Variants in FHIT observed in about 807,000 individuals in gnomAD.
FHIT encodes bis(5'-adenosyl)-triphosphatase.
FHIT carries 19 observed loss-of-function variants against 17.9 expected under a neutral mutation model. The ratio of observed to expected loss-of-function variants is 1.06; its 90% confidence interval spans 0.74 to 1.56. The LOEUF (loss-of-function observed/expected upper bound fraction) is 1.56. FHIT is among the 40% of genes most tolerant of loss of function. FHIT has a pLI of 0.00. For synonymous variants in FHIT, 81 were observed against 69.7 expected, an observed-to-expected ratio of 1.16 and a Z score of -0.81; for missense variants, 248 against 189.2, an observed-to-expected ratio of 1.31 and a Z score of -1.82.
At chr3:60,977,249 T>A (rs1307262194) in intron 3 of FHIT, among the ~76,000 whole-genome samples, 1 of 152,176 alleles carries the variant, frequency 6.6e-6, no homozygotes, top group African/African-American at 2.4e-5. Context: ...TTCTCAGAGC[T>A]GAGAGTGAAC....
At chr3:60,329,073 T>C (rs900844433) in intron 5 of FHIT, among the ~76,000 whole-genome samples, 7 of 152,240 alleles carry the variant, frequency 4.6e-5, no homozygotes, top group South Asian at 2.1e-4. Context: ...GAATTTCATA[T>C]GGATTTAATT....
intron 4 of FHIT, among the ~76,000 whole-genome samples, chr3:60,712,934 A>G (rs1188355159): frequency 1.0e-4 from 15 of 149,734 alleles, no homozygotes; most frequent in African/African-American, 3.7e-4. Flanking sequence ...GACCTAATAG[A>G]CATCTACAGA....
intron 5 of FHIT, among the ~76,000 whole-genome samples, chr3:60,362,032 G>A (rs1049311627): frequency 2.0e-5 from 3 of 151,728 alleles, no homozygotes; most frequent in African/African-American, 4.9e-5. Flanking sequence ...CTTCTGCCAT[G>A]GGTGTCACCA....
At position 61,010,513 on chromosome 3, in the gene FHIT, A is replaced by C. The variant is rs183232108; in HGVS notation, c.-111+31534T>G. On this transcript the variant is annotated intron_variant, in intron 3 of 9. Transcript: ENST00000492590. ...TTTAGAAAGGTTAAGTAACATGCAC[A>C]GCCACACAGCATCTGGGTTTATCTG... Among the ~76,000 whole-genome samples the C allele has an allele frequency of 5.3e-5, 8 of 152,340 alleles. 1 individual carries two copies. In the South Asian group the frequency reaches 6.2e-4, roughly 12 times the overall value.
chr3:60,161,587 T>A (rs1029433264), intron 5 of FHIT, among the ~76,000 whole-genome samples: 2 of 150,732 alleles, frequency 1.3e-5, no homozygotes, highest in Non-Finnish European at 3.0e-5. Context: ...AACAAAGGAG[T>A]GTGCTTAGGG....
At chr3:60,268,874 G>A (rs1706720226) in intron 5 of FHIT, among the ~76,000 whole-genome samples, 1 of 152,104 alleles carries the variant, frequency 6.6e-6, no homozygotes, top group African/African-American at 2.4e-5. Context: ...ATAATCACAA[G>A]GGTCCTTAAA....
chr3:60,093,319 G>A (rs1221478764), intron 5 of FHIT, among the ~76,000 whole-genome samples: 1 of 152,102 alleles, frequency 6.6e-6, no homozygotes, highest in East Asian at 1.9e-4. Flanking sequence ...TTTAAAGTCA[G>A]CAATAATGGG....
At chr3:59,816,797 G>A (rs887993948) in intron 8 of FHIT, among the ~76,000 whole-genome samples, 6 of 151,992 alleles carry the variant, frequency 3.9e-5, no homozygotes, top group South Asian at 2.1e-4. Context: ...TCACATTTAC[G>A]TCCCCTTCAG....
At chr3:60,863,895 C>G (rs1427533336) in intron 3 of FHIT, among the ~76,000 whole-genome samples, 1 of 152,126 alleles carries the variant, frequency 6.6e-6, no homozygotes, top group Admixed American at 6.6e-5. Context: ...CCCTTCACAA[C>G]AAGCCTATGA....
intron 5 of FHIT, among the ~76,000 whole-genome samples, chr3:60,406,961 A>AT (rs1173431135): frequency 1.3e-5 from 2 of 151,720 alleles, no homozygotes; most frequent in East Asian, 3.9e-4. Flanking sequence ...GTTCAGTAGC[A>AT]CTTGCTATGC....
chr3:59,778,570 A>C (rs1234330013), intron 8 of FHIT, among the ~76,000 whole-genome samples: 1 of 152,192 alleles, frequency 6.6e-6, no homozygotes, highest in African/African-American at 2.4e-5. Context: ...CTGCCACTGT[A>C]GTGAAAAAGG....
At chr3:60,084,470 G>C (rs910591631) in intron 5 of FHIT, among the ~76,000 whole-genome samples, 1 of 152,088 alleles carries the variant, frequency 6.6e-6, no homozygotes, top group African/African-American at 2.4e-5. Context: ...AGGAATTCAT[G>C]AAGTTTAGGA....
intron 8 of FHIT, among the ~76,000 whole-genome samples, chr3:59,853,115 G>A (rs548014020): frequency 6.6e-6 from 1 of 152,290 alleles, no homozygotes; most frequent in East Asian, 1.9e-4. Flanking sequence ...TTCCAAAGAG[G>A]CTGTAATATG....
intron 4 of FHIT, among the ~76,000 whole-genome samples, chr3:60,788,162 C>T (rs1028544055): frequency 3.3e-5 from 5 of 152,048 alleles, no homozygotes; most frequent in African/African-American, 9.7e-5. Flanking sequence ...GCCAGTAGCA[C>T]GTGCCTGTAG....
At chr3:61,149,658 G>A (rs968311580) in intron 2 of FHIT, among the ~76,000 whole-genome samples, 1 of 152,036 alleles carries the variant, frequency 6.6e-6, no homozygotes, top group African/African-American at 2.4e-5. Context: ...TGGGAGGATG[G>A]CTTGAGCCCA....
chr3:59,862,878 A>C (rs540298118), intron 8 of FHIT, among the ~76,000 whole-genome samples: 1 of 102,122 alleles, frequency 9.8e-6, no homozygotes, highest in Non-Finnish European at 1.9e-5. Flanking sequence ...AACTTCCATG[A>C]GTCATTCTGA....
chr3:60,276,798 G>A (rs983082244), intron 5 of FHIT, among the ~76,000 whole-genome samples: 5 of 152,072 alleles, frequency 3.3e-5, no homozygotes, highest in Non-Finnish European at 5.9e-5. Flanking sequence ...GCATGTCACA[G>A]GGCAAGAGAG....
chr3:60,520,006 A>G (rs1035752698), intron 5 of FHIT, among the ~76,000 whole-genome samples: 2 of 152,182 alleles, frequency 1.3e-5, no homozygotes, highest in Non-Finnish European at 2.9e-5. Context: ...CAAATTTCTT[A>G]TAGTACAGTA....
chr3:60,261,885 C>G (rs1706323415), intron 5 of FHIT, among the ~76,000 whole-genome samples: 1 of 152,028 alleles, frequency 6.6e-6, no homozygotes, highest in Non-Finnish European at 1.5e-5. Context: ...CTCTGTCTCT[C>G]TGAAGACAAA....
Sources: gnomAD v4.1 joint callset for allele counts (sites outside exome capture counted in the v4.1 genomes callset) on GRCh38, gnomAD v4.1.1 for gene constraint, MANE v1.5 for transcripts, NCBI Gene and HGNC (gene_info 2026-07-23, HGNC 2026-07-21) for gene names.